Variants in ATP2B4 observed in about 807,000 individuals in gnomAD.
The protein encoded by ATP2B4 is plasma membrane calcium-transporting ATPase 4.
Under a neutral mutation model 110.3 loss-of-function variants are expected in ATP2B4, and 39 were observed. That is an observed-to-expected ratio of 0.35 (90% CI 0.27 to 0.46). The LOEUF (loss-of-function observed/expected upper bound fraction) is 0.46, where lower values mean the gene tolerates loss of function less well. Among genes scored for constraint, ATP2B4 ranks in the 20% least tolerant of loss-of-function variants. ATP2B4 has a pLI of 1.00. For synonymous variants in ATP2B4, 538 were observed against 571.7 expected, an observed-to-expected ratio of 0.94 and a Z score of 0.84; for missense variants, 1,135 against 1,530.9, an observed-to-expected ratio of 0.74 and a Z score of 4.32.
At chr1:203,647,905 C>T (rs1663854245) in intron 1 of ATP2B4, among the ~76,000 whole-genome samples, 1 of 152,102 alleles carries the variant, frequency 6.6e-6, no homozygotes, top group Non-Finnish European at 1.5e-5. Context: ...GGGGAGAAGG[C>T]TTGGAACTCT....
Position 203,716,897 on chromosome 1 carries a change from A to G in ATP2B4, c.2406+2620A>G, listed in dbSNP as rs1393018226. Reference sequence around the variant, plus strand: ...TAATTCTTTATTTATTAACTTAAATACTTACATAAAAAGAGATTCCCGGCC... The same window carrying G: ...TAATTCTTTATTTATTAACTTAAATGCTTACATAAAAAGAGATTCCCGGCC... On this transcript the variant is annotated intron_variant, in intron 15 of 20. Coordinates refer to ENST00000357681, the MANE Select transcript of ATP2B4 (RefSeq NM_001684.5). Among the ~76,000 whole-genome samples, 3 of 145,132 alleles carry G rather than the reference A, an allele frequency of 2.1e-5. 1 individual carries two copies. The highest frequency in any genetic ancestry group is 7.5e-5 in the African/African-American group (3 of 39,760).
rs1422497797 is a variant in ATP2B4 at position 203,711,081 on chromosome 1, G to A, written c.2004G>A (p.Val668=). 1 of 1,614,066 alleles carries A rather than the reference G, an allele frequency of 6.2e-7. No individual in the cohort carries two copies. The highest frequency in any genetic ancestry group is 1.7e-5 in the Admixed American group (1 of 60,022). ...CCGAACTGACCTGTATCGCGGTGGT[G>A]GGCATTGAGGACCCTGTGCGCCCAG... ...ILTELTCIAV[V]GIEDPVRPEV... Residue 668 remains valine, a synonymous_variant, in exon 12 of 21, where the codon GTG becomes GTA. Transcript: ENST00000357681.
intron 1 of ATP2B4, among the ~76,000 whole-genome samples, chr1:203,636,470 C>T (rs1405111681): frequency 1.3e-5 from 2 of 152,152 alleles, no homozygotes; most frequent in Non-Finnish European, 1.5e-5. Flanking sequence ...TACGTAGGCT[C>T]ATGTAGGTGA....
chr1:203,693,766 C>T (rs1316470066), intron 2 of ATP2B4, among the ~76,000 whole-genome samples: 17 of 152,166 alleles, frequency 1.1e-4, no homozygotes, highest in Non-Finnish European at 1.9e-4. Context: ...AAGCAGCATG[C>T]AACCCTGCCC....
chr1:203,666,965 G>A (rs898491893), intron 1 of ATP2B4, among the ~76,000 whole-genome samples: 3 of 152,052 alleles, frequency 2.0e-5, no homozygotes, highest in East Asian at 1.9e-4. Flanking sequence ...GTTTTGTTTC[G>A]TTTTAAGATA....
rs886124617 is a variant in ATP2B4, at chr1:203,629,577, G to C, written c.-465+2358G>C. 6.6e-5 allele frequency among the ~76,000 whole-genome samples: 10 copies of C among 152,108 alleles called. No homozygotes were observed. The highest frequency in any genetic ancestry group is 1.5e-4 in the Non-Finnish European group (10 of 68,006). The stretch of plus-strand genomic sequence containing the variant: ...CTCAGCCCTTCCCCCGGGGCTCGGG[G>C]CAGGATTGACTGCGCAACCCTGCGG... On this transcript the variant is annotated intron_variant, in intron 1 of 20. Transcript: ENST00000357681. This position sits in a 1 kb window ranked among gnomAD's most constrained non-coding sequence, Gnocchi z 4.6.
intron 2 of ATP2B4, among the ~76,000 whole-genome samples, chr1:203,690,461 C>T (rs190648328): frequency 1.3e-5 from 2 of 152,146 alleles, no homozygotes; most frequent in African/African-American, 2.4e-5. Context: ...GCATGCCCCC[C>T]GCTTAGAGAC....
chr1:203,684,164 A>G (rs1665104416), intron 2 of ATP2B4, among the ~76,000 whole-genome samples: 1 of 152,260 alleles, frequency 6.6e-6, no homozygotes, highest in African/African-American at 2.4e-5. Flanking sequence ...GAAGGGTACA[A>G]AAAAGTGAAT....
chr1:203,684,689 A>G (rs538663452), intron 2 of ATP2B4, among the ~76,000 whole-genome samples: 7 of 152,242 alleles, frequency 4.6e-5, no homozygotes, highest in African/African-American at 1.7e-4. Flanking sequence ...AAAAAGAAAA[A>G]AAAAAGGAAA....
chr1:203,690,939 G>C (rs1417629984), intron 2 of ATP2B4, among the ~76,000 whole-genome samples: 3 of 152,138 alleles, frequency 2.0e-5, no homozygotes, highest in Admixed American at 2.0e-4. Flanking sequence ...GGAATTCCCT[G>C]TCTGGTTTGA....
intron 6 of ATP2B4, 147 bp downstream of exon 6, chr1:203,701,070 G>C: frequency 8.5e-7 from 1 of 1,170,340 alleles, no homozygotes; most frequent in Non-Finnish European, 1.2e-6. Context: ...CTGAGATAAA[G>C]ATGTAAATCC....
chr1:203,733,341 C>G, intron 20 of ATP2B4: 1 of 1,614,158 alleles, frequency 6.2e-7, no homozygotes, highest in South Asian at 1.1e-5. Context: ...GTAGCAGTTG[C>G]ACCAGTCAAA....
At position 203,699,680 on chromosome 1, in the gene ATP2B4, T is replaced by C; in HGVS notation, c.612T>C (p.Ala204=). The change falls in exon 4 of 21, where the codon GCT becomes GCC. Residue 204 remains alanine, a synonymous_variant. Coordinates refer to ENST00000357681, the MANE Select transcript of ATP2B4 (RefSeq NM_001684.5). The part of the protein sequence containing the change: ...RNGQLIQLPV[A]EIVVGDIAQV... The stretch of plus-strand genomic sequence containing the variant: ...GTCAACTCATCCAGCTCCCTGTGGC[T>C]GAGATTGTGGTTGGTGATATTGCCC... 1.2e-6 allele frequency: 2 copies of C among 1,613,760 alleles called. No homozygotes were observed. The highest frequency in any genetic ancestry group is 1.7e-6 in the Non-Finnish European group (2 of 1,179,698).
At chr1:203,637,405 C>T (rs1663486779) in intron 1 of ATP2B4, among the ~76,000 whole-genome samples, 1 of 138,374 alleles carries the variant, frequency 7.2e-6, no homozygotes, top group Non-Finnish European at 1.5e-5. Flanking sequence ...CACTGCACTC[C>T]AGCCTGGGTG....
At chr1:203,659,510 A>G (rs1298225274) in intron 1 of ATP2B4, among the ~76,000 whole-genome samples, 1 of 151,538 alleles carries the variant, frequency 6.6e-6, no homozygotes, top group Non-Finnish European at 1.5e-5. Context: ...CTCTACAAAA[A>G]CATTTGAAAA....
intron 1 of ATP2B4, among the ~76,000 whole-genome samples, chr1:203,655,958 G>A (rs914866253): frequency 2.6e-5 from 4 of 152,056 alleles, no homozygotes; most frequent in African/African-American, 9.7e-5. Flanking sequence ...AGGCTGGAGT[G>A]CAACGGTGCG....
intron 2 of ATP2B4, among the ~76,000 whole-genome samples, chr1:203,697,631 C>T (rs1665571371): frequency 6.6e-6 from 1 of 152,206 alleles, no homozygotes; most frequent in Admixed American, 6.5e-5. Context: ...TCTCTAAGTC[C>T]TGGGCAGATT....
chr1:203,728,274 GT>G, intron 20 of ATP2B4: 1 of 429,964 alleles, frequency 2.3e-6, no homozygotes, highest in South Asian at 1.7e-5. Flanking sequence ...TATGTCCCCT[GT>G]CTATAGCCCC....
At chr1:203,717,548 C>G (rs6702397) in intron 15 of ATP2B4, among the ~76,000 whole-genome samples, 2,425 of 151,874 alleles carry the variant, frequency 0.016, 69 homozygotes, top group African/African-American at 0.056. Flanking sequence ...TTGGTTTTTT[C>G]GTTCTTTTTT....
Sources: allele counts gnomAD v4.1 joint callset (sites outside exome capture counted in the v4.1 genomes callset), GRCh38; gene constraint gnomAD v4.1.1; non-coding constraint Gnocchi (gnomAD v3.1); transcripts MANE v1.5; gene names NCBI Gene and HGNC (gene_info 2026-07-23, HGNC 2026-07-21).